TBCA: variants seen among roughly 807,000 people sequenced by gnomAD.
TBCA encodes tubulin-specific chaperone A.
Under a neutral mutation model 15.8 loss-of-function variants are expected in TBCA, and 6 were observed. That is an observed-to-expected ratio of 0.38 (90% CI 0.21 to 0.75). The LOEUF (loss-of-function observed/expected upper bound fraction) is 0.75, where lower values mean the gene tolerates loss of function less well. Among genes scored for constraint, TBCA ranks in the 30% least tolerant of loss-of-function variants. The pLI, the probability that TBCA is intolerant of heterozygous loss-of-function variation, is 0.46. For synonymous variants in TBCA, 32 were observed against 42.3 expected (o/e 0.76, Z 0.94); for missense variants, 90 against 131.2 (o/e 0.69, Z 1.53).
chr5:77,757,987 G>C (rs1056388330), intron 1 of TBCA, among the ~76,000 whole-genome samples: 5 of 152,186 alleles, frequency 3.3e-5, no homozygotes, highest in African/African-American at 9.7e-5. Flanking sequence ...CGACTGAGGG[G>C]TATAAGGTAG....
chr5:77,721,581 C>T (rs1223823158), intron 1 of TBCA, among the ~76,000 whole-genome samples: 1 of 152,012 alleles, frequency 6.6e-6, no homozygotes, highest in African/African-American at 2.4e-5. Context: ...TTAAAGGGTC[C>T]ATTTTCAATG....
At chr5:77,755,215 G>A (rs981342077) in intron 1 of TBCA, among the ~76,000 whole-genome samples, 1 of 152,174 alleles carries the variant, frequency 6.6e-6, no homozygotes, top group Admixed American at 6.5e-5. Context: ...GAGAACTTAG[G>A]AATTTTATAG....
chr5:77,715,957 G>A (rs921508294), intron 1 of TBCA, among the ~76,000 whole-genome samples: 3 of 152,086 alleles, frequency 2.0e-5, no homozygotes, highest in East Asian at 1.9e-4. Context: ...CTGAATAAAC[G>A]AACAGTATAT....
intron 1 of TBCA, among the ~76,000 whole-genome samples, chr5:77,734,280 T>C (rs1746842785): frequency 6.6e-6 from 1 of 152,194 alleles, no homozygotes; most frequent in African/African-American, 2.4e-5. Flanking sequence ...AGAAATACAT[T>C]TTGTAGAGCT....
At chr5:77,695,854 G>A (rs905328484) in intron 2 of TBCA, among the ~76,000 whole-genome samples, 1 of 152,094 alleles carries the variant, frequency 6.6e-6, no homozygotes, top group African/African-American at 2.4e-5. Context: ...AACAGGATGT[G>A]GTACTCACTG....
At chr5:77,721,259 G>T (rs1746522133) in intron 1 of TBCA, among the ~76,000 whole-genome samples, 1 of 152,108 alleles carries the variant, frequency 6.6e-6, no homozygotes, top group South Asian at 2.1e-4. Flanking sequence ...CAGAATCTGG[G>T]ATTTCTTAGT....
intron 1 of TBCA, among the ~76,000 whole-genome samples, chr5:77,758,491 C>T (rs191414456): frequency 4.3e-4 from 66 of 152,316 alleles, no homozygotes; most frequent in Non-Finnish European, 6.2e-4. Context: ...TTAAAAGGGA[C>T]AGGAATTGCT....
chr5:77,706,826 A>AAT (rs1194865586), intron 2 of TBCA, among the ~76,000 whole-genome samples: 1 of 150,714 alleles, frequency 6.6e-6, no homozygotes, highest in East Asian at 1.9e-4. Flanking sequence ...AAAAAAAAAA[A>AAT]AAGAAAGAAA....
intron 1 of TBCA, among the ~76,000 whole-genome samples, chr5:77,763,337 G>A (rs1747691927): frequency 6.6e-6 from 1 of 152,078 alleles, no homozygotes; most frequent in African/African-American, 2.4e-5. Flanking sequence ...CAGTATAATG[G>A]AGTAAAATTA....
At chr5:77,740,116 T>C (rs1746999447) in intron 1 of TBCA, among the ~76,000 whole-genome samples, 1 of 152,178 alleles carries the variant, frequency 6.6e-6, no homozygotes, top group African/African-American at 2.4e-5. Flanking sequence ...TAGAAGACTC[T>C]AAAGCAAAAA....
rs1017791338 is a variant in TBCA, at chr5:77,727,268, T to C, written c.54-18921A>G. Among the ~76,000 whole-genome samples the C allele has an allele frequency of 4.2e-3, 595 of 143,328 alleles. 4 individuals are homozygous for C. The highest frequency in any genetic ancestry group is 0.014 in the African/African-American group (559 of 39,370). 94.0% of individuals were successfully genotyped at this position (143,328 alleles called of 152,430 possible). ...AAAAAAAAAAAAAAAAAAAGAATAG[T>C]GCTGGAGGAGCCACTTTAAGTTTTA... On this transcript the variant is annotated intron_variant, in intron 1 of 3. Transcript: ENST00000380377.
At chr5:77,763,507 TTCATA>T (rs1747695761) in intron 1 of TBCA, among the ~76,000 whole-genome samples, 2 of 152,086 alleles carry the variant, frequency 1.3e-5, no homozygotes, top group Non-Finnish European at 2.9e-5. Flanking sequence ...AATGCCCCAA[TTCATA>T]TATCTTAACG....
intron 2 of TBCA, among the ~76,000 whole-genome samples, chr5:77,703,662 G>C (rs1463165388): frequency 6.6e-6 from 1 of 152,094 alleles, no homozygotes; most frequent in Non-Finnish European, 1.5e-5. Flanking sequence ...CTGCAGCCTT[G>C]ACCTCCTGAG....
intron 1 of TBCA, among the ~76,000 whole-genome samples, chr5:77,740,898 A>T (rs1474173490): frequency 6.6e-6 from 1 of 152,258 alleles, no homozygotes; most frequent in South Asian, 2.1e-4. Context: ...CAAACAGTAC[A>T]TGACATATAT....
intron 1 of TBCA, among the ~76,000 whole-genome samples, chr5:77,717,999 G>A (rs1030840326): frequency 1.3e-5 from 2 of 151,410 alleles, no homozygotes; most frequent in African/African-American, 2.4e-5. Context: ...GCGAGGTGGC[G>A]CAGGCCTGTA....
chr5:77,699,993 GC>G (rs1440593573), intron 2 of TBCA, among the ~76,000 whole-genome samples: 1 of 134,236 alleles, frequency 7.4e-6, no homozygotes, highest in Non-Finnish European at 1.5e-5. Context: ...AGCTGAGATC[GC>G]ACCACTGCAT....
chr5:77,734,417 A>G (rs2112472367), intron 1 of TBCA, among the ~76,000 whole-genome samples: 1 of 152,322 alleles, frequency 6.6e-6, no homozygotes, highest in South Asian at 2.1e-4. Context: ...AGGTCAAAAT[A>G]TCAATATTAG....
chr5:77,718,993 T>C (rs777287263), intron 1 of TBCA, among the ~76,000 whole-genome samples: 3 of 152,236 alleles, frequency 2.0e-5, no homozygotes, highest in Non-Finnish European at 4.4e-5. Context: ...ATCATCACAA[T>C]AGGTTGAAAT....
chr5:77,728,185 T>C (rs1341179981), intron 1 of TBCA, among the ~76,000 whole-genome samples: 6 of 152,118 alleles, frequency 3.9e-5, no homozygotes, highest in Admixed American at 3.9e-4. Flanking sequence ...GCAAGCATAA[T>C]ATCTACTATC....
Sources: gnomAD v4.1 joint callset for allele counts (sites outside exome capture counted in the v4.1 genomes callset) on GRCh38, gnomAD v4.1.1 for gene constraint, MANE v1.5 for transcripts, NCBI Gene and HGNC (gene_info 2026-07-23, HGNC 2026-07-21) for gene names.